KMT2C: variants seen among roughly 807,000 people sequenced by gnomAD.
The protein encoded by KMT2C is lysine methyltransferase 2C.
A neutral mutation model predicts 507.9 loss-of-function variants in KMT2C; 88 were observed. The observed-to-expected ratio is 0.17, with a 90% CI of 0.15 to 0.21. The LOEUF is 0.21. Ranked by LOEUF, KMT2C falls within the 10% of genes least tolerant of loss-of-function variation. KMT2C has a pLI of 1.00. For missense variants in KMT2C, 4,954 were observed against 5,957.8 expected (o/e 0.83, Z 5.55); for synonymous variants, 2,049 against 2,080.8 (o/e 0.98, Z 0.42).
At chr7:152,380,284 T>C (rs1476099286) in intron 1 of KMT2C, among the ~76,000 whole-genome samples, 1 of 115,456 alleles carries the variant, frequency 8.7e-6, no homozygotes, top group African/African-American at 3.3e-5. Context: ...CAAAAAAAAC[T>C]AGGCTGGGCA....
chr7:152,181,679 A>C lies in KMT2C; in HGVS notation c.6181T>G (p.Ser2061Ala). 4 of 1,614,168 alleles carry C rather than the reference A, an allele frequency of 2.5e-6. No individual in the cohort carries two copies. Among genetic ancestry groups the C allele is most frequent in the Non-Finnish European group, 3.4e-6 (4 of 1,180,028 alleles). Reference sequence around the variant, plus strand: ...ACAGACAATCGCCTTGATGCCTGTGACACTGATCCATAAGGATCCTGAGAG... The same window carrying C: ...ACAGACAATCGCCTTGATGCCTGTGCCACTGATCCATAAGGATCCTGAGAG... The part of the protein sequence containing the change: ...PSSQDPYGSV[S>A]QASRRLSVDP... Residue 2061 changes from serine (S) to alanine (A), a missense_variant, in exon 36 of 59, where the codon TCA (serine) becomes GCA (alanine). Coordinates refer to ENST00000262189, the MANE Select transcript of KMT2C (RefSeq NM_170606.3).
At chr7:152,292,769 C>T (rs1044120783) in intron 6 of KMT2C, among the ~76,000 whole-genome samples, 1 of 152,124 alleles carries the variant, frequency 6.6e-6, no homozygotes, top group African/African-American at 2.4e-5. Flanking sequence ...CTTCCCAGCT[C>T]TGCAGACTGC....
At chr7:152,362,611 A>ACC (rs1431975136) in intron 1 of KMT2C, among the ~76,000 whole-genome samples, 1 of 152,166 alleles carries the variant, frequency 6.6e-6, no homozygotes, top group Non-Finnish European at 1.5e-5. Flanking sequence ...GAAATTGGAA[A>ACC]CCGTATGGTT....
intron 2 of KMT2C, among the ~76,000 whole-genome samples, chr7:152,356,585 C>G (rs1325150706): frequency 6.7e-6 from 1 of 148,178 alleles, no homozygotes; most frequent in African/African-American, 2.5e-5. Flanking sequence ...CTCAAAAAAA[C>G]AAAATTAAAA....
chr7:152,317,863 G>A (rs1218840311), intron 3 of KMT2C, among the ~76,000 whole-genome samples: 1 of 152,114 alleles, frequency 6.6e-6, no homozygotes, highest in Non-Finnish European at 1.5e-5. Flanking sequence ...AAAAGAGGAT[G>A]GGCATGGTGG....
At chr7:152,143,892 G>A (rs573247600) in intron 55 of KMT2C, among the ~76,000 whole-genome samples, 1 of 152,336 alleles carries the variant, frequency 6.6e-6, no homozygotes, top group South Asian at 2.1e-4. Context: ...TGCTGAGAGG[G>A]AACTGGATGG....
intron 1 of KMT2C, chr7:152,367,275 C>A: frequency 7.9e-7 from 1 of 1,264,338 alleles, no homozygotes; most frequent in Non-Finnish European, 1.1e-6. Context: ...ACATTCAAAG[C>A]AGCTGCCAAC....
intron 22 of KMT2C, 94 bp downstream of exon 22, chr7:152,221,907 T>C (rs2094784030): frequency 2.4e-6 from 2 of 837,450 alleles, no homozygotes; most frequent in Non-Finnish European, 2.0e-6. Flanking sequence ...AGAACACCCA[T>C]ATGATTGAAG....
At chr7:152,314,690 A>G (rs1012987473) in intron 4 of KMT2C, among the ~76,000 whole-genome samples, 9 of 152,200 alleles carry the variant, frequency 5.9e-5, no homozygotes, top group Non-Finnish European at 1.3e-4. Flanking sequence ...AATGACACAA[A>G]AGACATGAGT....
At chr7:152,431,983 G>A (rs1025686556) in intron 1 of KMT2C, among the ~76,000 whole-genome samples, 12 of 152,292 alleles carry the variant, frequency 7.9e-5, no homozygotes, top group African/African-American at 2.4e-4. Flanking sequence ...GGGGAAGGGC[G>A]TTACAAATAC....
chr7:152,237,039 A>G (rs558998088), intron 15 of KMT2C, among the ~76,000 whole-genome samples: 1 of 152,208 alleles, frequency 6.6e-6, no homozygotes, highest in Non-Finnish European at 1.5e-5. Flanking sequence ...GTACCAGAGT[A>G]TGGTGTTCCC....
chr7:152,269,790 G>A (rs2095926986), intron 7 of KMT2C, among the ~76,000 whole-genome samples: 1 of 152,124 alleles, frequency 6.6e-6, no homozygotes, highest in Admixed American at 6.5e-5. Context: ...ATGAAGTAAA[G>A]GGAGCAAGGT....
At chr7:152,323,637 A>T (rs1224148218) in intron 3 of KMT2C, among the ~76,000 whole-genome samples, 2 of 149,924 alleles carry the variant, frequency 1.3e-5, no homozygotes, top group Non-Finnish European at 1.5e-5. Flanking sequence ...ACACCCTTTC[A>T]AAGAAAAAAA....
At chr7:152,317,256 A>C (rs2129203788) in intron 3 of KMT2C, among the ~76,000 whole-genome samples, 1 of 152,324 alleles carries the variant, frequency 6.6e-6, no homozygotes, top group Non-Finnish European at 1.5e-5. Flanking sequence ...TAAATTATTA[A>C]AGAATTAGAA....
chr7:152,282,414 A>G (rs141745279), intron 6 of KMT2C, among the ~76,000 whole-genome samples: 833 of 120,752 alleles, frequency 6.9e-3, no homozygotes, highest in South Asian at 8.0e-3. Context: ...CACAATTCAT[A>G]ATGACCTCAA....
intron 1 of KMT2C, among the ~76,000 whole-genome samples, chr7:152,373,008 ATCTT>A (rs1202552526): frequency 6.6e-6 from 1 of 152,228 alleles, no homozygotes; most frequent in Non-Finnish European, 1.5e-5. Flanking sequence ...CATTTCAAGT[ATCTT>A]TCTAACAACA....
At position 152,156,005 on chromosome 7, in the gene KMT2C, G is replaced by A. The variant is rs147168446; in HGVS notation, c.11865C>T (p.Asp3955=). The A allele has an allele frequency of 5.0e-4, 801 of 1,607,990 alleles. 3 individuals carry two copies. The Admixed American group carries it at 0.012, about 25-fold the overall frequency. ...KPFQLPFRPQ[D]DLLARALAQG... is the part of the protein sequence containing the mutation. ...GAGCAAGAGCTCGGGCCAACAAGTCGTCCTGGGGTCTGAAGGGCAGCTGAA... is the reference window on the plus strand; with the variant it reads ...GAGCAAGAGCTCGGGCCAACAAGTCATCCTGGGGTCTGAAGGGCAGCTGAA... The change falls in exon 46 of 59, where the codon GAC becomes GAT. Residue 3955 remains aspartate, a synonymous_variant. Transcript: ENST00000262189.
chr7:152,296,796 T>C (rs776180459), intron 6 of KMT2C, among the ~76,000 whole-genome samples: 13 of 151,222 alleles, frequency 8.6e-5, no homozygotes, highest in Non-Finnish European at 1.9e-4. Context: ...CAAGATGGAG[T>C]CACAGAGACC....
At chr7:152,292,380 G>A (rs1235574275) in intron 6 of KMT2C, among the ~76,000 whole-genome samples, 3 of 152,050 alleles carry the variant, frequency 2.0e-5, no homozygotes, top group Non-Finnish European at 4.4e-5. Context: ...ATTGTGATTC[G>A]TAGCATGCAG....
Sources: gnomAD v4.1 joint callset for allele counts (sites outside exome capture counted in the v4.1 genomes callset) on GRCh38, gnomAD v4.1.1 for gene constraint, MANE v1.5 for transcripts, NCBI Gene and HGNC (gene_info 2026-07-23, HGNC 2026-07-21) for gene names.